C8orf34: variants seen among roughly 807,000 people sequenced by gnomAD.
C8orf34 encodes chromosome 8 open reading frame 34.
A neutral mutation model predicts 68.3 loss-of-function variants in C8orf34; 65 were observed. That is an observed-to-expected ratio of 0.95 (90% confidence interval 0.78 to 1.17). The LOEUF is 1.17. Ranked by LOEUF, C8orf34 falls within the 50% of genes most tolerant of loss-of-function variation. The pLI is 0.00. For synonymous variants in C8orf34, 244 were observed against 241.2 expected, an observed-to-expected ratio of 1.01 and a Z score of -0.11; for missense variants, 664 against 655.4, an observed-to-expected ratio of 1.01 and a Z score of -0.14.
At chr8:68,642,032 A>G (rs1043019570) in intron 8 of C8orf34, among the ~76,000 whole-genome samples, 2 of 152,232 alleles carry the variant, frequency 1.3e-5, no homozygotes, top group Non-Finnish European at 2.9e-5. Context: ...CATTTTATAG[A>G]TAAGAAAACT....
intron 11 of C8orf34, among the ~76,000 whole-genome samples, chr8:68,782,815 T>C (rs959643308): frequency 1.3e-5 from 2 of 151,982 alleles, no homozygotes; most frequent in Admixed American, 6.5e-5. Flanking sequence ...CCCATCACTT[T>C]AGGAGGCAGA....
intron 4 of C8orf34, among the ~76,000 whole-genome samples, chr8:68,476,097 A>T (rs1812605712): frequency 6.6e-6 from 1 of 152,230 alleles, no homozygotes; most frequent in African/African-American, 2.4e-5. Flanking sequence ...TGATAGAATA[A>T]CTATGCATGA....
chr8:68,521,367 C>A (rs914121863), intron 5 of C8orf34, among the ~76,000 whole-genome samples: 2 of 152,170 alleles, frequency 1.3e-5, no homozygotes, highest in Admixed American at 1.3e-4. Context: ...CAGTTGGAGG[C>A]AATACACCCT....
intron 5 of C8orf34, among the ~76,000 whole-genome samples, chr8:68,503,671 T>G (rs969127909): frequency 2.0e-5 from 3 of 151,492 alleles, no homozygotes; most frequent in African/African-American, 7.3e-5. Context: ...GGAGTAGTTA[T>G]TCTCTTTTCT....
chr8:68,388,652 A>G (rs1563397946), intron 1 of C8orf34, among the ~76,000 whole-genome samples: 1 of 152,124 alleles, frequency 6.6e-6, no homozygotes, highest in Non-Finnish European at 1.5e-5. Context: ...CATCAAAAGA[A>G]ATGAACAAGT....
intron 5 of C8orf34, among the ~76,000 whole-genome samples, chr8:68,490,508 C>T (rs769855094): frequency 2.0e-5 from 3 of 152,134 alleles, no homozygotes; most frequent in African/African-American, 2.4e-5. Context: ...TCTCTCTTCC[C>T]GGCAGTAGCT....
chr8:68,616,039 A>C (rs1818201149), intron 7 of C8orf34, among the ~76,000 whole-genome samples: 1 of 151,220 alleles, frequency 6.6e-6, no homozygotes, highest in African/African-American at 2.5e-5. Context: ...GTGTCGAGGA[A>C]TTTATCCATT....
intron 12 of C8orf34, among the ~76,000 whole-genome samples, chr8:68,809,272 C>T (rs141426233): frequency 2.6e-5 from 4 of 152,310 alleles, no homozygotes; most frequent in African/African-American, 9.6e-5. Flanking sequence ...AATGATTTCT[C>T]TTTCACCTGT....
chr8:68,430,811 G>A (rs1033566147), intron 1 of C8orf34, among the ~76,000 whole-genome samples: 14 of 152,038 alleles, frequency 9.2e-5, no homozygotes, highest in Non-Finnish European at 1.5e-4. Context: ...GTGACAAGTC[G>A]TTTCCTTATC....
Position 68,800,563 on chromosome 8 carries a change from CTTGA to C in C8orf34, c.1549+13030_1549+13033del, listed in dbSNP as rs1824301710. Among the ~76,000 whole-genome samples, 6 of 152,186 alleles carry C rather than the reference CTTGA, an allele frequency of 3.9e-5. No individual in the cohort carries two copies. The South Asian group carries it at 1.2e-3, about 32-fold the overall frequency. ...GGGTTATATTTTTAATTCTGTAAAA[CTTGA>C]TTAATTTTCAGAGTAAGCCCTTACC... On this transcript the variant is annotated intron_variant, in intron 12 of 13. Transcript: ENST00000518698.
intron 1 of C8orf34, among the ~76,000 whole-genome samples, chr8:68,352,435 G>A (rs1041025484): frequency 1.3e-5 from 2 of 151,976 alleles, no homozygotes; most frequent in African/African-American, 4.8e-5. Flanking sequence ...TTTAGAAAAT[G>A]TAGACATTTG....
intron 10 of C8orf34, among the ~76,000 whole-genome samples, chr8:68,749,119 C>T (rs1473951708): frequency 6.6e-6 from 1 of 151,816 alleles, no homozygotes; most frequent in Non-Finnish European, 1.5e-5. Context: ...TCATCATTCT[C>T]AGTAAACTAT....
intron 8 of C8orf34, among the ~76,000 whole-genome samples, chr8:68,681,329 A>G (rs1820363858): frequency 6.6e-6 from 1 of 152,200 alleles, no homozygotes; most frequent in Admixed American, 6.5e-5. Flanking sequence ...GGGAACTGAT[A>G]AATGTCCATA....
Position 68,557,686 on chromosome 8 carries a change from A to C in C8orf34, c.1105+24537A>C, listed in dbSNP as rs577764125. Among the ~76,000 whole-genome samples, 371 of 152,328 alleles carry C rather than the reference A, an allele frequency of 2.4e-3. 2 individuals carry two copies. Among genetic ancestry groups the C allele is most frequent in the African/African-American group, 8.6e-3 (357 of 41,576 alleles). Reference sequence around the variant, plus strand: ...TGTGCCTTTATCAAATCAGCTCCCTACACCAATGGGGAATAAACATCCTTC... The same window carrying C: ...TGTGCCTTTATCAAATCAGCTCCCTCCACCAATGGGGAATAAACATCCTTC... On this transcript the variant is annotated intron_variant, in intron 7 of 13. Transcript: ENST00000518698.
chr8:68,791,029 T>C (rs899994022), intron 12 of C8orf34: 1 of 591,024 alleles, frequency 1.7e-6, no homozygotes, highest in African/African-American at 1.9e-5. Context: ...GAATATAAAA[T>C]GTGAGTCTGG....
intron 12 of C8orf34, among the ~76,000 whole-genome samples, chr8:68,794,493 A>T (rs1257110492): frequency 2.1e-5 from 2 of 95,300 alleles, no homozygotes; most frequent in African/African-American, 7.4e-5. Flanking sequence ...ATATATATAT[A>T]TATATATATA....
intron 12 of C8orf34, among the ~76,000 whole-genome samples, chr8:68,793,984 G>T (rs754488094): frequency 1.3e-5 from 2 of 152,116 alleles, no homozygotes; most frequent in Non-Finnish European, 2.9e-5. Flanking sequence ...AATAAATGGT[G>T]ATGTGAAAGT....
At chr8:68,462,418 A>G (rs529755095) in intron 3 of C8orf34, among the ~76,000 whole-genome samples, 7 of 152,234 alleles carry the variant, frequency 4.6e-5, no homozygotes, top group African/African-American at 1.7e-4. Context: ...CAGGAATTGA[A>G]CTCAGCTCTG....
intron 3 of C8orf34, among the ~76,000 whole-genome samples, chr8:68,463,919 A>C (rs970800080): frequency 6.6e-6 from 1 of 152,184 alleles, no homozygotes; most frequent in African/African-American, 2.4e-5. Flanking sequence ...CCTATTCAAC[A>C]TAGTGTTGGA....
Sources: gnomAD v4.1 joint callset for allele counts (sites outside exome capture counted in the v4.1 genomes callset) on GRCh38, gnomAD v4.1.1 for gene constraint, MANE v1.5 for transcripts, NCBI Gene and HGNC (gene_info 2026-07-23, HGNC 2026-07-21) for gene names.